Variants in FRMD4A observed in about 807,000 individuals in gnomAD.
FRMD4A encodes FERM domain containing 4A, also known as FERM domain-containing protein 4A.
Under a neutral mutation model 129.1 loss-of-function variants are expected in FRMD4A, and 29 were observed. That is an observed-to-expected ratio of 0.22 (90% CI 0.17 to 0.31). FRMD4A has a LOEUF of 0.31. Among genes scored for constraint, FRMD4A ranks in the 10% least tolerant of loss-of-function variants. The probability of loss-of-function intolerance (pLI) is 1.00; values close to 1 mark genes in which losing one functional copy is unlikely to be tolerated. For synonymous variants in FRMD4A, 634 were observed against 571.6 expected (o/e 1.11, Z -1.56); for missense variants, 1,272 against 1,375.8 (o/e 0.92, Z 1.19).
intron 12 of FRMD4A, among the ~76,000 whole-genome samples, chr10:13,733,223 T>C (rs2090426016): frequency 6.6e-6 from 1 of 152,220 alleles, no homozygotes. Flanking sequence ...ATAACACAGA[T>C]GGCCTTTTTA....
At chr10:14,014,974 C>T (rs530844549) in intron 2 of FRMD4A, among the ~76,000 whole-genome samples, 3 of 89,018 alleles carry the variant, frequency 3.4e-5, no homozygotes, top group African/African-American at 1.3e-4. Flanking sequence ...TTCCCTCCCT[C>T]CCTTCCTTTC....
At chr10:13,878,665 A>G (rs1399794365) in intron 2 of FRMD4A, among the ~76,000 whole-genome samples, 1 of 152,122 alleles carries the variant, frequency 6.6e-6, no homozygotes, top group Non-Finnish European at 1.5e-5. Context: ...AGGCAGAAGA[A>G]TCACTTGAAC....
chr10:14,279,114 G>T (rs752657987), intron 2 of FRMD4A, among the ~76,000 whole-genome samples: 7 of 151,496 alleles, frequency 4.6e-5, no homozygotes, highest in Non-Finnish European at 8.8e-5. Context: ...TGGGTATTTA[G>T]AAAGTGAGAG....
chr10:13,707,573 T>TC, intron 12 of FRMD4A: 1 of 989,802 alleles, frequency 1.0e-6, no homozygotes, highest in Non-Finnish European at 1.2e-6. Flanking sequence ...GAACTGAGCT[T>TC]CCTCCCCTCC....
intron 2 of FRMD4A, among the ~76,000 whole-genome samples, chr10:13,992,556 C>T (rs115076584): frequency 8.6e-4 from 131 of 152,256 alleles, no homozygotes; most frequent in African/African-American, 2.9e-3. Flanking sequence ...AAACATCAGC[C>T]CTCAATAGAG....
intron 2 of FRMD4A, among the ~76,000 whole-genome samples, chr10:14,199,825 T>G (rs1842582190): frequency 7.2e-6 from 1 of 139,248 alleles, no homozygotes; most frequent in African/African-American, 2.5e-5. Flanking sequence ...TAATATGTAC[T>G]TTATTATTTC....
intron 2 of FRMD4A, among the ~76,000 whole-genome samples, chr10:14,110,499 G>A (rs985175804): frequency 6.6e-6 from 1 of 152,140 alleles, no homozygotes; most frequent in Non-Finnish European, 1.5e-5. Context: ...AATTATTCAA[G>A]ATGAGAATGC....
chr10:14,311,000 C>T (rs575487157), intron 2 of FRMD4A, among the ~76,000 whole-genome samples: 1 of 152,278 alleles, frequency 6.6e-6, no homozygotes, highest in South Asian at 2.1e-4. Context: ...TGCCGCTTCA[C>T]TAGCATGGGG....
intron 2 of FRMD4A, among the ~76,000 whole-genome samples, chr10:14,286,967 G>A (rs950541291): frequency 6.6e-6 from 1 of 152,042 alleles, no homozygotes; most frequent in South Asian, 2.1e-4. Flanking sequence ...TTAAATGATT[G>A]GAACAACACA....
chr10:13,651,774 A>G, intron 24 of FRMD4A, 129 bp downstream of exon 24: 1 of 659,722 alleles, frequency 1.5e-6, no homozygotes. Context: ...CCAGTTCCCC[A>G]TGTATCTAGA....
intron 2 of FRMD4A, among the ~76,000 whole-genome samples, chr10:13,943,970 C>A (rs1260963067): frequency 1.3e-5 from 2 of 152,126 alleles, no homozygotes; most frequent in Admixed American, 1.3e-4. Context: ...CTCCGGCCAT[C>A]AGTAAGGGCA....
chr10:14,147,711 C>T (rs979440590), intron 2 of FRMD4A, among the ~76,000 whole-genome samples: 1 of 152,030 alleles, frequency 6.6e-6, no homozygotes, highest in Non-Finnish European at 1.5e-5. Flanking sequence ...GGAGGTGGAG[C>T]TCAGGTGGTA....
chr10:13,648,430 TCTCTCC>T (rs2081287611), intron 24 of FRMD4A, among the ~76,000 whole-genome samples: 2 of 152,054 alleles, frequency 1.3e-5, no homozygotes, highest in African/African-American at 4.8e-5. Context: ...AGGGGGACAG[TCTCTCC>T]CTAACTCCAC....
chr10:14,127,980 T>C (rs10906600), intron 2 of FRMD4A, among the ~76,000 whole-genome samples: 2,632 of 18,728 alleles, frequency 0.14, 260 homozygotes, highest in Middle Eastern at 0.31. Flanking sequence ...CTTTCTTTCC[T>C]TCTCTCTCTC....
intron 14 of FRMD4A, 76 bp from the exon 15 acceptor site, chr10:13,694,115 T>A: frequency 8.0e-7 from 1 of 1,251,970 alleles, no homozygotes; most frequent in Non-Finnish European, 1.1e-6. Flanking sequence ...CGCCCGCGCC[T>A]GCTCACCGTC....
chr10:13,775,606 G>A (rs1460484961), intron 6 of FRMD4A, among the ~76,000 whole-genome samples: 1 of 152,126 alleles, frequency 6.6e-6, no homozygotes, highest in African/African-American at 2.4e-5. Context: ...GGAAGACTCC[G>A]GATCCGGGAA....
chr10:13,654,191 G>A (rs147598352), intron 23 of FRMD4A: 83 of 576,340 alleles, frequency 1.4e-4, no homozygotes, highest in South Asian at 1.1e-3. Flanking sequence ...AAGGACCACC[G>A]CCTACTTTAA....
intron 2 of FRMD4A, among the ~76,000 whole-genome samples, chr10:14,277,545 G>A (rs1845383389): frequency 6.6e-6 from 1 of 152,224 alleles, no homozygotes; most frequent in African/African-American, 2.4e-5. Flanking sequence ...CTCGAGAACT[G>A]TGAGCCATAG....
intron 19 of FRMD4A, among the ~76,000 whole-genome samples, chr10:13,661,007 T>C (rs2082600674): frequency 6.6e-6 from 1 of 152,166 alleles, no homozygotes; most frequent in African/African-American, 2.4e-5. Flanking sequence ...CGACACATAG[T>C]AGGTGCTTGA....
Sources: gnomAD v4.1 joint callset for allele counts (sites outside exome capture counted in the v4.1 genomes callset) on GRCh38, gnomAD v4.1.1 for gene constraint, MANE v1.5 for transcripts, NCBI Gene and HGNC (gene_info 2026-07-23, HGNC 2026-07-21) for gene names.